STRBP: variants seen among roughly 807,000 people sequenced by gnomAD.
The protein encoded by STRBP is spermatid perinuclear RNA-binding protein.
A neutral mutation model predicts 80.1 loss-of-function variants in STRBP; 13 were observed. That is an observed-to-expected ratio of 0.16 (90% CI 0.11 to 0.26). The LOEUF (loss-of-function observed/expected upper bound fraction) is 0.26. STRBP is among the 10% of genes least tolerant of loss of function. The pLI is 1.00. For synonymous variants in STRBP, 284 were observed against 291.2 expected, an observed-to-expected ratio of 0.98 and a Z score of 0.25; for missense variants, 485 against 815.2, an observed-to-expected ratio of 0.59 and a Z score of 4.93.
At position 123,228,781 on chromosome 9, in the gene STRBP, C is replaced by G. The variant is rs555795601; in HGVS notation, c.-165+8049G>C. On this transcript the variant is annotated intron_variant, in intron 2 of 18. Coordinates refer to ENST00000348403, the MANE Select transcript of STRBP (RefSeq NM_018387.5). ...ATTTTTGAAAAACAATTTGGCAGTT[C>G]CTCAAAATGTTAAACACAGGGCTAT... Among the ~76,000 whole-genome samples the G allele has an allele frequency of 8.5e-5, 13 of 152,210 alleles. No individual in the cohort carries two copies. The East Asian group carries it at 2.5e-3, about 29-fold the overall frequency.
chr9:123,125,410 CTT>C lies in STRBP; in HGVS notation c.*185_*186del, dbSNP rs11399013. 7.1e-5 allele frequency: 71 copies of C among 1,006,888 alleles called. No individual in the cohort carries two copies. The highest frequency in any genetic ancestry group is 9.0e-5 in the Admixed American group (2 of 22,298). 62.4% of individuals were successfully genotyped at this position (1,006,888 alleles called of 1,614,324 possible). A position where few individuals can be genotyped will look rare whatever the true frequency, so the allele number is the denominator to read the frequency against. The stretch of plus-strand genomic sequence containing the variant: ...GGTACCGTTTTCACAGAACTGGTTT[CTT>C]TTTTTTTTTTCAAGTTTTAGAGAAC... On this transcript the variant is annotated 3_prime_UTR_variant, in exon 19 of 19. Coordinates refer to ENST00000348403, the MANE Select transcript of STRBP (RefSeq NM_018387.5).
At chr9:123,169,028 A>G (rs2037891804) in intron 6 of STRBP, among the ~76,000 whole-genome samples, 1 of 152,114 alleles carries the variant, frequency 6.6e-6, no homozygotes, top group African/African-American at 2.4e-5. Flanking sequence ...CTAAAAAAAA[A>G]TTTACTAAAC....
intron 1 of STRBP, among the ~76,000 whole-genome samples, chr9:123,246,908 A>C (rs1271788567): frequency 2.0e-5 from 3 of 152,222 alleles, no homozygotes; most frequent in Admixed American, 6.5e-5. Context: ...TTGGCCTAAA[A>C]CAACCTGTAA....
chr9:123,179,923 C>T (rs897741244), intron 3 of STRBP, among the ~76,000 whole-genome samples: 4 of 152,028 alleles, frequency 2.6e-5, no homozygotes, highest in Non-Finnish European at 5.9e-5. Flanking sequence ...GACTTCTAAC[C>T]TTTCCAAACT....
intron 2 of STRBP, among the ~76,000 whole-genome samples, chr9:123,226,786 G>A (rs2040250170): frequency 1.3e-5 from 2 of 152,070 alleles, no homozygotes; most frequent in Admixed American, 6.6e-5. Flanking sequence ...GGGTGGGGAG[G>A]AAGAGCAATG....
At position 123,179,232 on chromosome 9, in the gene STRBP, T is replaced by C. The variant is rs1564270934; in HGVS notation, c.4-5A>G. On this transcript the variant is annotated splice_polypyrimidine_tract_variant and splice_region_variant and intron_variant, in intron 3 of 18. Coordinates refer to ENST00000348403, the MANE Select transcript of STRBP (RefSeq NM_018387.5). Reference sequence around the variant, plus strand: ...AGCAAAAGATCGAATAGATCTCTGTTAGAAGGAGAACGAAAACAATTACTT... The same window carrying C: ...AGCAAAAGATCGAATAGATCTCTGTCAGAAGGAGAACGAAAACAATTACTT... 2.5e-6 allele frequency: 4 copies of C among 1,596,382 alleles called. No homozygotes were observed. The highest frequency in any genetic ancestry group is 1.1e-5 in the South Asian group (1 of 90,608).
At chr9:123,161,848 C>T (rs2132400761) in intron 6 of STRBP, among the ~76,000 whole-genome samples, 1 of 152,328 alleles carries the variant, frequency 6.6e-6, no homozygotes, top group East Asian at 1.9e-4. Flanking sequence ...GAAGATGTCA[C>T]ATGACACTAA....
chr9:123,248,473 T>C (rs1329713003), intron 1 of STRBP, among the ~76,000 whole-genome samples: 2 of 152,026 alleles, frequency 1.3e-5, no homozygotes, highest in Non-Finnish European at 2.9e-5. Flanking sequence ...TGTTTTACCA[T>C]GTTGGCCAGG....
At position 123,170,063 on chromosome 9, in the gene STRBP, T is replaced by C; in HGVS notation, c.391-17A>G. The C allele has an allele frequency of 6.3e-7, 1 of 1,593,080 alleles. No individual in the cohort carries two copies. The highest frequency in any genetic ancestry group is 8.5e-7 in the Non-Finnish European group (1 of 1,171,458). Reference sequence around the variant, plus strand: ...TGTGAGTTTCTGAAAGTCACCAAGATTTCAAAATCACCCAGTTAATTAGAC... The same window carrying C: ...TGTGAGTTTCTGAAAGTCACCAAGACTTCAAAATCACCCAGTTAATTAGAC... On this transcript the variant is annotated splice_polypyrimidine_tract_variant and intron_variant, in intron 5 of 18. Transcript: ENST00000348403.
chr9:123,226,950 T>C (rs576154040), intron 2 of STRBP, among the ~76,000 whole-genome samples: 7 of 152,178 alleles, frequency 4.6e-5, no homozygotes, highest in Admixed American at 2.6e-4. Flanking sequence ...TGCCACGTCA[T>C]AACATGGTGG....
Position 123,124,907 on chromosome 9 carries a change from A to T in STRBP, c.*690T>A, listed in dbSNP as rs930675617. 1.0e-6 allele frequency: 1 copy of T among 985,648 alleles called. No individual in the cohort carries two copies. The highest frequency in any genetic ancestry group is 1.2e-6 in the Non-Finnish European group (1 of 829,918). The allele number at this position is 985,648 out of a possible 1,614,324, so 61.1% of individuals were successfully genotyped here. On this transcript the variant is annotated 3_prime_UTR_variant, in exon 19 of 19. Transcript: ENST00000348403. The stretch of plus-strand genomic sequence containing the variant: ...CTTACAAAGTGAGTAGACTGGCTCA[A>T]ACTAACAATCACCTTTGCTTTGTTT...
chr9:123,194,353 C>T (rs1205482877), intron 2 of STRBP, among the ~76,000 whole-genome samples: 1 of 152,130 alleles, frequency 6.6e-6, no homozygotes, highest in Non-Finnish European at 1.5e-5. Context: ...CTGGATCCCA[C>T]CTCCTTTTGC....
intron 2 of STRBP, among the ~76,000 whole-genome samples, chr9:123,223,641 A>G (rs1037288547): frequency 6.6e-6 from 1 of 152,144 alleles, no homozygotes; most frequent in Admixed American, 6.5e-5. Context: ...TCAAAACATT[A>G]TTATTAAATG....
intron 3 of STRBP, 133 bp from the exon 4 acceptor site, chr9:123,179,360 A>G: frequency 1.4e-6 from 1 of 715,250 alleles, no homozygotes; most frequent in Admixed American, 2.9e-5. Context: ...TGAAACAAGA[A>G]AAAACTGCTC....
rs1399853891 is a variant in STRBP at position 123,170,030 on chromosome 9, T to C, written c.407A>G (p.Lys136Arg). ...ATTTACACATTGTTCCACTTGATATTTCTCTTCTGTGAGTTTCTGAAAGTC... is the reference window on the plus strand; with the variant it reads ...ATTTACACATTGTTCCACTTGATATCTCTCTTCTGTGAGTTTCTGAAAGTC... ...PIQIQKLTEE[K>R]YQVEQCVNEA... Residue 136 changes from lysine to arginine, a missense_variant, in exon 6 of 19, where the codon AAA (lysine) becomes AGA (arginine). Physicochemically the swap from Lys to Arg is conservative, Grantham distance 26. Around this residue, in one of 3 missense-constraint regions of STRBP, gnomAD observed 377 missense variants for 616.1 expected, o/e 0.61. Transcript: ENST00000348403. 7 of 1,604,694 alleles carry C rather than the reference T, an allele frequency of 4.4e-6. No homozygotes were observed. The highest frequency in any genetic ancestry group is 5.9e-6 in the Non-Finnish European group (7 of 1,176,692).
At chr9:123,207,844 A>C (rs949421555) in intron 2 of STRBP, among the ~76,000 whole-genome samples, 1 of 152,246 alleles carries the variant, frequency 6.6e-6, no homozygotes, top group Non-Finnish European at 1.5e-5. Context: ...ACATTAGAAT[A>C]TGAGAGAGAT....
Position 123,122,793 on chromosome 9 carries a change from T to C in STRBP, c.*2804A>G. On this transcript the variant is annotated 3_prime_UTR_variant, in exon 19 of 19. Coordinates refer to ENST00000348403, the MANE Select transcript of STRBP (RefSeq NM_018387.5). ...ACGCAGTCAGGAATGTAACTATTTA[T>C]GTGCTAAAAAGTGTAAAAAACTGTC... is the stretch of plus-strand genomic sequence containing the variant. 1.0e-6 allele frequency: 1 copy of C among 990,504 alleles called. No homozygotes were observed. The highest frequency in any genetic ancestry group is 1.2e-6 in the Non-Finnish European group (1 of 833,248). 61.4% of individuals were successfully genotyped at this position (990,504 alleles called of 1,614,324 possible). A position where few individuals can be genotyped will look rare whatever the true frequency, so the allele number is the denominator to read the frequency against.
At chr9:123,200,765 T>TTTTTTTTTTTTGG (rs2039295637) in intron 2 of STRBP, among the ~76,000 whole-genome samples, 1 of 139,368 alleles carries the variant, frequency 7.2e-6, no homozygotes, top group Non-Finnish European at 1.5e-5. Context: ...TTTTTTTTAG[T>TTTTTTTTTTTTGG]AGAGACCAGG....
intron 2 of STRBP, among the ~76,000 whole-genome samples, chr9:123,187,141 A>G (rs941662693): frequency 6.6e-6 from 1 of 152,176 alleles, no homozygotes; most frequent in Non-Finnish European, 1.5e-5. Flanking sequence ...GCATAAACAG[A>G]TAACACAACC....
Sources: allele counts gnomAD v4.1 joint callset (sites outside exome capture counted in the v4.1 genomes callset), GRCh38; gene constraint gnomAD v4.1.1; regional missense constraint gnomAD v4.1.1; transcripts MANE v1.5; gene names NCBI Gene and HGNC (gene_info 2026-07-23, HGNC 2026-07-21).